Variants in UGT1A5 observed in about 807,000 individuals in gnomAD.
UGT1A5 encodes the protein UDP-glucuronosyltransferase 1A5.
In UGT1A5, 29 loss-of-function variants were observed where a neutral mutation model predicts 40.3. That is an observed-to-expected ratio of 0.72 (90% confidence interval 0.54 to 0.98). The LOEUF (loss-of-function observed/expected upper bound fraction) is 0.98. Ranked by LOEUF, UGT1A5 falls within the 50% of genes least tolerant of loss-of-function variation. The pLI is 0.00. For synonymous variants in UGT1A5, 257 were observed against 262.5 expected (o/e 0.98, Z 0.20); for missense variants, 678 against 677.9 (o/e 1.00, Z 0.00).
chr2:233,769,665 G>A lies in UGT1A5; in HGVS notation c.1307+1226G>A. 6.3e-7 allele frequency: 1 copy of A among 1,592,194 alleles called. No individual in the cohort carries two copies. Among genetic ancestry groups the A allele is most frequent in the Non-Finnish European group, 8.6e-7 (1 of 1,169,328 alleles). On this transcript the variant is annotated intron_variant, in intron 4 of 4. Transcript: ENST00000373414. The surrounding 1 kb of genome is among the most constrained non-coding windows in gnomAD (Gnocchi z 4.4). ...TGATGACTGACTTCCCACCTTTGAG[G>A]TGCTAATGTGTGTGTGGTGGCACTG...
chr2:233,729,971 C>T (rs1206556766), intron 1 of UGT1A5: 1 of 1,613,904 alleles, frequency 6.2e-7, no homozygotes, highest in Non-Finnish European at 8.5e-7. Context: ...ATCAACTGTG[C>T]CAACAGGAAG....
chr2:233,766,051 C>T (rs552293215), intron 1 of UGT1A5, among the ~76,000 whole-genome samples: 2 of 152,294 alleles, frequency 1.3e-5, no homozygotes, highest in African/African-American at 2.4e-5. Flanking sequence ...CTTGTGTTAA[C>T]CAGCTCAATT....
At chr2:233,771,575 T>A (rs927540192) in intron 4 of UGT1A5, 6 of 152,302 alleles carry the variant, frequency 3.9e-5, no homozygotes, top group African/African-American at 1.4e-4. Context: ...AGGTGGTTGT[T>A]TACAACTTCA....
rs1201935304 is a variant in UGT1A5 at position 233,769,504 on chromosome 2, G to T, written c.1307+1065G>T. ...GCGTGTGTTTATGAGAGTGTCCATT[G>T]CTTTCTCCCATGGTTACCTCCTTTA... On this transcript the variant is annotated intron_variant, in intron 4 of 4. Transcript: ENST00000373414. This position sits in a 1 kb window ranked among gnomAD's most constrained non-coding sequence, Gnocchi z 4.4. The T allele has an allele frequency of 1.2e-6, 2 of 1,612,732 alleles. No homozygotes were observed. The highest frequency in any genetic ancestry group is 1.7e-4 in the Middle Eastern group (1 of 6,058).
chr2:233,727,661 T>A (rs1292890743), intron 1 of UGT1A5, among the ~76,000 whole-genome samples: 1 of 152,208 alleles, frequency 6.6e-6, no homozygotes, highest in Non-Finnish European at 1.5e-5. Flanking sequence ...TAGTGCTCTA[T>A]GTCCTTACAA....
chr2:233,753,704 T>C (rs1413802728), intron 1 of UGT1A5: 3 of 152,228 alleles, frequency 2.0e-5, no homozygotes, highest in Non-Finnish European at 4.4e-5. Flanking sequence ...TGCACTTGGC[T>C]TTCATCAACC....
intron 1 of UGT1A5, among the ~76,000 whole-genome samples, chr2:233,749,973 G>A (rs1482988958): frequency 6.6e-6 from 1 of 151,850 alleles, no homozygotes; most frequent in Non-Finnish European, 1.5e-5. Flanking sequence ...CTTTATAGCA[G>A]TGTGAGAATG....
chr2:233,762,039 CTG>C (rs1484213771), intron 1 of UGT1A5, among the ~76,000 whole-genome samples: 1 of 152,090 alleles, frequency 6.6e-6, no homozygotes, highest in Non-Finnish European at 1.5e-5. Flanking sequence ...TTTTAATTTT[CTG>C]TGCATTTTCC....
chr2:233,768,137 T>C (rs143830502), intron 3 of UGT1A5, 83 bp from the exon 4 acceptor site: 2 of 1,609,224 alleles, frequency 1.2e-6, no homozygotes, highest in East Asian at 4.5e-5. Context: ...ACTGAGTCTT[T>C]GGAGTGTTTT....
rs752420110 is a variant in UGT1A5, at chr2:233,767,943, T to C, written c.1087+7T>C. The C allele has an allele frequency of 3.2e-5, 51 of 1,614,076 alleles. No homozygotes were observed. The highest frequency in any genetic ancestry group is 1.6e-4 in the East Asian group (7 of 44,900). On this transcript the variant is annotated splice_region_variant and intron_variant, in intron 3 of 4. Transcript: ENST00000373414. ...CCCCAAAACGATCTGCTTGGTATGT[T>C]GGGCGGATTGGATGTATAGGTCAAA...
chr2:233,742,761 T>C (rs978880235), intron 1 of UGT1A5: 1 of 153,020 alleles, frequency 6.5e-6, no homozygotes, highest in African/African-American at 2.4e-5. Flanking sequence ...ATTAAGATAA[T>C]AAATGCATGT....
chr2:233,741,733 T>C (rs968212915), intron 1 of UGT1A5: 2 of 151,882 alleles, frequency 1.3e-5, no homozygotes, highest in African/African-American at 4.9e-5. Flanking sequence ...TCCAAACCCA[T>C]ATCACACTCT....
intron 1 of UGT1A5, among the ~76,000 whole-genome samples, chr2:233,751,321 C>T (rs551289281): frequency 6.6e-6 from 1 of 152,014 alleles, no homozygotes; most frequent in East Asian, 1.9e-4. Flanking sequence ...TTTCTGTACC[C>T]CCATTGTGTC....
chr2:233,714,271 C>T (rs759852980), intron 1 of UGT1A5, among the ~76,000 whole-genome samples: 2 of 152,206 alleles, frequency 1.3e-5, no homozygotes, highest in African/African-American at 4.8e-5. Context: ...CAATTGTTGA[C>T]GTGACAATTT....
chr2:233,760,268 C>T (rs1166163686), intron 1 of UGT1A5: 1 of 1,612,240 alleles, frequency 6.2e-7, no homozygotes, highest in Admixed American at 1.7e-5. Context: ...GGGCGAACCT[C>T]TGGCAGGAGC....
chr2:233,724,740 T>G (rs2077303271), intron 1 of UGT1A5, among the ~76,000 whole-genome samples: 1 of 140,730 alleles, frequency 7.1e-6, no homozygotes, highest in South Asian at 2.6e-4. Flanking sequence ...GAGGGGCTCC[T>G]CACATCCCAG....
intron 1 of UGT1A5, chr2:233,729,953 T>A (rs371021401): frequency 6.2e-7 from 1 of 1,614,064 alleles, no homozygotes; most frequent in Non-Finnish European, 8.5e-7. Context: ...ATGGTCTTCA[T>A]TGGGGGCATC....
intron 1 of UGT1A5, chr2:233,743,832 T>TG (rs1692537259): frequency 7.3e-7 from 1 of 1,367,134 alleles, no homozygotes; most frequent in South Asian, 1.1e-5. Flanking sequence ...GGGTGCCACT[T>TG]GAGCGCCAGC....
chr2:233,737,936 A>G (rs912128099), intron 1 of UGT1A5, among the ~76,000 whole-genome samples: 7 of 152,174 alleles, frequency 4.6e-5, no homozygotes, highest in Non-Finnish European at 8.8e-5. Flanking sequence ...TAGTGAGTCC[A>G]TTGACTGTTT....
Sources: allele counts gnomAD v4.1 joint callset (sites outside exome capture counted in the v4.1 genomes callset), GRCh38; gene constraint gnomAD v4.1.1; non-coding constraint Gnocchi (gnomAD v3.1); transcripts MANE v1.5; gene names NCBI Gene and HGNC (gene_info 2026-07-23, HGNC 2026-07-21).